Variants in FBXO25 observed in about 807,000 individuals in gnomAD.
FBXO25 encodes the protein F-box protein 25.
Under a neutral mutation model 51.9 loss-of-function variants are expected in FBXO25, and 45 were observed. The ratio of observed to expected loss-of-function variants is 0.87; its 90% CI spans 0.68 to 1.11. The LOEUF is 1.11. FBXO25 is among the 50% of genes most tolerant of loss of function. The pLI is 0.00. For missense variants in FBXO25, 507 were observed against 428.5 expected (o/e 1.18, Z -1.62); for synonymous variants, 199 against 151.0 (o/e 1.32, Z -2.33).
chr8:453,724 C>A (rs1026322016), intron 7 of FBXO25, among the ~76,000 whole-genome samples: 1 of 152,152 alleles, frequency 6.6e-6, no homozygotes, highest in Non-Finnish European at 1.5e-5. Flanking sequence ...GAAGTCCAAG[C>A]ACACCGCCTG....
At chr8:462,935 A>AG in intron 8 of FBXO25, 72 bp from the exon 9 acceptor site, 4 of 1,512,676 alleles carry the variant, frequency 2.6e-6, no homozygotes, top group Non-Finnish European at 3.6e-6. Flanking sequence ...ATAAAATGAA[A>AG]AAGTTTTACA....
At chr8:451,649 G>A (rs191201897) in intron 7 of FBXO25, among the ~76,000 whole-genome samples, 196 bp downstream of exon 7, 239 of 152,278 alleles carry the variant, frequency 1.6e-3, no homozygotes, top group African/African-American at 5.5e-3. Context: ...GAAAGACAGT[G>A]GGAATAGCAA....
intron 9 of FBXO25, among the ~76,000 whole-genome samples, chr8:463,475 T>C (rs1799949706): frequency 6.6e-6 from 1 of 152,234 alleles, no homozygotes; most frequent in Non-Finnish European, 1.5e-5. Flanking sequence ...GGTTGAAGGC[T>C]GGAGTGTGAC....
chr8:424,825 G>C (rs1478974599), intron 2 of FBXO25, among the ~76,000 whole-genome samples: 1 of 152,140 alleles, frequency 6.6e-6, no homozygotes, highest in East Asian at 1.9e-4. Context: ...TTTTTGCTTA[G>C]GAGTGCTTTG....
chr8:441,243 C>G (rs905257004), intron 5 of FBXO25, among the ~76,000 whole-genome samples: 37 of 152,154 alleles, frequency 2.4e-4, no homozygotes, highest in African/African-American at 8.2e-4. Flanking sequence ...TTTCACAAAC[C>G]TGACAAAAAC....
chr8:458,238 G>A (rs769854816), intron 7 of FBXO25, 131 bp from the exon 8 acceptor site: 37 of 1,028,006 alleles, frequency 3.6e-5, no homozygotes, highest in African/African-American at 2.4e-4. Flanking sequence ...GACACCTTGC[G>A]ACGCATGACA....
intron 2 of FBXO25, among the ~76,000 whole-genome samples, chr8:429,063 G>A (rs1348205282): frequency 8.2e-6 from 1 of 122,370 alleles, no homozygotes; most frequent in African/African-American, 3.6e-5. Flanking sequence ...ACCCAGAAGT[G>A]GAATTGTTGG....
At chr8:418,291 T>TCCTTTC (rs1239828596) in intron 2 of FBXO25, among the ~76,000 whole-genome samples, 2 of 151,944 alleles carry the variant, frequency 1.3e-5, no homozygotes, top group Non-Finnish European at 2.9e-5. Flanking sequence ...TTATTTCTTT[T>TCCTTTC]CCTTTCCCTT....
At chr8:467,816 C>A in intron 9 of FBXO25, 1 of 1,602,540 alleles carries the variant, frequency 6.2e-7, no homozygotes, top group South Asian at 1.1e-5. Flanking sequence ...ATCTCATGCA[C>A]GTCATCTTGG....
At chr8:408,598 T>C (rs1332089186) in intron 1 of FBXO25, among the ~76,000 whole-genome samples, 1 of 152,272 alleles carries the variant, frequency 6.6e-6, no homozygotes, top group South Asian at 2.1e-4. Flanking sequence ...GAGTAATGCG[T>C]AGCCTATGGT....
chr8:412,665 C>T (rs1796552927), intron 1 of FBXO25, among the ~76,000 whole-genome samples: 3 of 152,226 alleles, frequency 2.0e-5, no homozygotes, highest in Non-Finnish European at 4.4e-5. Context: ...CTATTCTAAG[C>T]TTCAACCAAA....
intron 7 of FBXO25, among the ~76,000 whole-genome samples, chr8:456,128 A>T (rs1337113959): frequency 1.3e-5 from 2 of 152,252 alleles, no homozygotes; most frequent in Non-Finnish European, 2.9e-5. Flanking sequence ...AATTAGAATG[A>T]AGCACCTGGA....
chr8:464,857 T>C (rs1252179018), intron 9 of FBXO25, among the ~76,000 whole-genome samples: 1 of 152,228 alleles, frequency 6.6e-6, no homozygotes, highest in Non-Finnish European at 1.5e-5. Flanking sequence ...CTCTCTTTCC[T>C]GAAATTAAAA....
intron 5 of FBXO25, among the ~76,000 whole-genome samples, chr8:443,197 C>G (rs1798534285): frequency 6.6e-6 from 1 of 151,172 alleles, no homozygotes; most frequent in South Asian, 2.1e-4. Flanking sequence ...GCAGTTTGAG[C>G]ACACTGGGAA....
intron 8 of FBXO25, among the ~76,000 whole-genome samples, chr8:459,436 C>T (rs1204247041): frequency 6.6e-6 from 1 of 152,206 alleles, no homozygotes; most frequent in African/African-American, 2.4e-5. Flanking sequence ...GGCCGAGCTA[C>T]ACTAAGAATC....
Position 471,461 on chromosome 8 carries a change from C to T in FBXO25, c.*2657C>T, listed in dbSNP as rs1800481314. On this transcript the variant is annotated 3_prime_UTR_variant, in exon 10 of 10. Transcript: ENST00000350302. ...GCCTTCCAAAAGTAGGGATGCCACT[C>T]CTGTGAGATTAAGTTACATTCTGAT... The T allele has an allele frequency of 6.6e-6, 1 of 152,174 alleles. No homozygotes were observed. The highest frequency in any genetic ancestry group is 2.1e-4 in the South Asian group (1 of 4,830). The allele number at this position is 152,174 out of a possible 1,614,324, so 9.4% of individuals were successfully genotyped here.
chr8:439,669 A>G (rs1798308041), intron 5 of FBXO25, among the ~76,000 whole-genome samples: 1 of 152,150 alleles, frequency 6.6e-6, no homozygotes, highest in Admixed American at 6.5e-5. Flanking sequence ...GTCCCTGGGC[A>G]TTGCTCTGCC....
chr8:419,193 C>G (rs1175737520), intron 2 of FBXO25, among the ~76,000 whole-genome samples: 4 of 150,704 alleles, frequency 2.7e-5, no homozygotes, highest in Non-Finnish European at 4.4e-5. Context: ...AACCCCGTCT[C>G]TACTAAAAAT....
At chr8:468,082 G>A (rs778540733) in intron 9 of FBXO25, 174 of 1,106,440 alleles carry the variant, frequency 1.6e-4, no homozygotes, top group Non-Finnish European at 1.9e-4. Flanking sequence ...CTCTGGTCCC[G>A]TTTACCTGCG....
Sources: gnomAD v4.1 joint callset for allele counts (sites outside exome capture counted in the v4.1 genomes callset) on GRCh38, gnomAD v4.1.1 for gene constraint, MANE v1.5 for transcripts, NCBI Gene and HGNC (gene_info 2026-07-23, HGNC 2026-07-21) for gene names.